LPP: variants seen among roughly 807,000 people sequenced by gnomAD.
LPP encodes the protein LIM domain containing preferred translocation partner in lipoma.
In LPP, 38 loss-of-function variants were observed where a neutral mutation model predicts 60.4. The ratio of observed to expected loss-of-function variants is 0.63; its 90% CI spans 0.49 to 0.83. The LOEUF (loss-of-function observed/expected upper bound fraction) is 0.83, where lower values mean the gene tolerates loss of function less well. Among genes scored for constraint, LPP ranks in the 40% least tolerant of loss-of-function variants. The pLI, the probability that LPP is intolerant of heterozygous loss-of-function variation, is 0.00. For synonymous variants in LPP, 328 were observed against 290.8 expected, an observed-to-expected ratio of 1.13 and a Z score of -1.30; for missense variants, 902 against 783.6, an observed-to-expected ratio of 1.15 and a Z score of -1.80.
chr3:188,706,075 A>G (rs552415579), intron 7 of LPP, among the ~76,000 whole-genome samples: 1 of 152,236 alleles, frequency 6.6e-6, no homozygotes, highest in South Asian at 2.1e-4. Flanking sequence ...GGATAAAACA[A>G]TAAACAAAAG....
chr3:188,408,848 C>G (rs1412338034), intron 4 of LPP, among the ~76,000 whole-genome samples: 1 of 151,836 alleles, frequency 6.6e-6, no homozygotes, highest in African/African-American at 2.4e-5. Flanking sequence ...AGGCTGCTGT[C>G]CATATCCAGC....
chr3:188,697,441 G>A (rs1359266669), intron 7 of LPP, among the ~76,000 whole-genome samples: 3 of 152,160 alleles, frequency 2.0e-5, no homozygotes, highest in Middle Eastern at 3.2e-3. Context: ...CTTGTGTCAC[G>A]TTCAGGCATC....
At chr3:188,462,587 CA>C (rs1799338993) in intron 4 of LPP, among the ~76,000 whole-genome samples, 2 of 43,170 alleles carry the variant, frequency 4.6e-5, no homozygotes, top group Non-Finnish European at 8.4e-5. Context: ...TATATATATG[CA>C]TGTGTGTGTG....
chr3:188,656,416 C>T (rs1853227143), intron 7 of LPP, among the ~76,000 whole-genome samples: 1 of 152,028 alleles, frequency 6.6e-6, no homozygotes, highest in Non-Finnish European at 1.5e-5. Context: ...GTGAAGCAAT[C>T]GCAAACTGTT....
At chr3:188,272,593 T>C (rs978649573) in intron 2 of LPP, among the ~76,000 whole-genome samples, 2 of 152,174 alleles carry the variant, frequency 1.3e-5, no homozygotes, top group Non-Finnish European at 2.9e-5. Context: ...GAGGAAGCTG[T>C]ACACGATGAC....
At chr3:188,247,880 A>G (rs1727575389) in intron 2 of LPP, among the ~76,000 whole-genome samples, 1 of 151,978 alleles carries the variant, frequency 6.6e-6, no homozygotes, top group Non-Finnish European at 1.5e-5. Flanking sequence ...TTTTCCTAAG[A>G]CTTAGTGGAT....
chr3:188,809,044 G>T (rs751036734), intron 9 of LPP, among the ~76,000 whole-genome samples: 3 of 152,096 alleles, frequency 2.0e-5, no homozygotes, highest in African/African-American at 4.8e-5. Flanking sequence ...AGTATTCCAT[G>T]GTGTACATGT....
intron 2 of LPP, among the ~76,000 whole-genome samples, chr3:188,339,136 C>T (rs953727635): frequency 6.6e-6 from 1 of 152,128 alleles, no homozygotes; most frequent in African/African-American, 2.4e-5. Flanking sequence ...ACAAAGGATG[C>T]AGACATGTCA....
At chr3:188,490,524 G>A (rs968891844) in intron 5 of LPP, among the ~76,000 whole-genome samples, 1 of 150,852 alleles carries the variant, frequency 6.6e-6, no homozygotes, top group African/African-American at 2.4e-5. Flanking sequence ...CACCAAGACC[G>A]GCTAATTTTT....
At chr3:188,518,184 C>G (rs1817925684) in intron 5 of LPP, among the ~76,000 whole-genome samples, 1 of 149,956 alleles carries the variant, frequency 6.7e-6, no homozygotes, top group Non-Finnish European at 1.5e-5. Flanking sequence ...GACTAACAAA[C>G]ATAGTGTGTT....
chr3:188,841,652 G>A (rs919343668), intron 9 of LPP, among the ~76,000 whole-genome samples: 7 of 152,124 alleles, frequency 4.6e-5, no homozygotes, highest in African/African-American at 1.2e-4. Flanking sequence ...GGGCCACTGC[G>A]CCCAGCCCTG....
intron 6 of LPP, among the ~76,000 whole-genome samples, chr3:188,525,779 G>A (rs1339819003): frequency 6.6e-6 from 1 of 152,180 alleles, no homozygotes; most frequent in Non-Finnish European, 1.5e-5. Flanking sequence ...CAGTTAGTTT[G>A]AATATATCAG....
At chr3:188,251,968 T>G (rs1729776599) in intron 2 of LPP, among the ~76,000 whole-genome samples, 1 of 146,364 alleles carries the variant, frequency 6.8e-6, no homozygotes, top group Non-Finnish European at 1.5e-5. Context: ...TGCTCCACCT[T>G]GTTATTCCCC....
At chr3:188,683,362 C>A (rs1356233363) in intron 7 of LPP, among the ~76,000 whole-genome samples, 1 of 152,024 alleles carries the variant, frequency 6.6e-6, no homozygotes, top group African/African-American at 2.4e-5. Context: ...ATTGGAGAAC[C>A]CTATGTGCTC....
At chr3:188,836,333 T>C (rs966635699) in intron 9 of LPP, among the ~76,000 whole-genome samples, 1 of 152,242 alleles carries the variant, frequency 6.6e-6, no homozygotes, top group Non-Finnish European at 1.5e-5. Flanking sequence ...TCCTGGGTAT[T>C]CATATTTCTA....
At chr3:188,273,078 G>A (rs781269182) in intron 2 of LPP, among the ~76,000 whole-genome samples, 2 of 152,184 alleles carry the variant, frequency 1.3e-5, no homozygotes, top group African/African-American at 2.4e-5. Flanking sequence ...TGCCTGCGTC[G>A]TGTTTTCTGC....
chr3:188,569,386 G>T (rs1206882658), intron 6 of LPP, among the ~76,000 whole-genome samples: 3 of 151,902 alleles, frequency 2.0e-5, no homozygotes, highest in Non-Finnish European at 2.9e-5. Context: ...AGGGGCCCTG[G>T]ATTGTGAATG....
At chr3:188,598,355 T>C (rs1160169928) in intron 6 of LPP, among the ~76,000 whole-genome samples, 2 of 152,132 alleles carry the variant, frequency 1.3e-5, no homozygotes, top group Non-Finnish European at 2.9e-5. Context: ...AGTCAGTTTC[T>C]TTAAAAATAC....
intron 8 of LPP, among the ~76,000 whole-genome samples, chr3:188,724,771 C>G (rs147469444): frequency 3.3e-5 from 5 of 152,178 alleles, no homozygotes; most frequent in Admixed American, 6.5e-5. Context: ...CTTTCACACA[C>G]GTAAATAGTT....
Sources: gnomAD v4.1 joint callset for allele counts (sites outside exome capture counted in the v4.1 genomes callset) on GRCh38, gnomAD v4.1.1 for gene constraint, MANE v1.5 for transcripts, NCBI Gene and HGNC (gene_info 2026-07-23, HGNC 2026-07-21) for gene names.